Variants in CHM observed in about 807,000 individuals in gnomAD.
CHM encodes CHM Rab escort protein, also known as rab proteins geranylgeranyltransferase component A 1.
In CHM, 10 loss-of-function variants were observed where a neutral mutation model predicts 49.0. The observed-to-expected ratio is 0.20, with a 90% confidence interval of 0.13 to 0.35. The LOEUF is 0.35. Ranked by LOEUF, CHM falls within the 10% of genes least tolerant of loss-of-function variation. CHM has a pLI of 1.00. For synonymous variants in CHM, 184 were observed against 167.5 expected (o/e 1.10, Z -0.76); for missense variants, 455 against 478.4 (o/e 0.95, Z 0.46).
At chrX:85,915,635 G>T (rs1043463115) in intron 8 of CHM, among the ~76,000 whole-genome samples, 1 of 111,922 alleles carries the variant, frequency 8.9e-6, no homozygotes, top group African/African-American at 3.2e-5. Context: ...AAAATCACTA[G>T]CATTCCTATA....
intron 8 of CHM, among the ~76,000 whole-genome samples, chrX:85,934,279 CTTTTTTTTTT>C (rs769967072): frequency 1.4e-5 from 1 of 71,276 alleles, no homozygotes. Context: ...TGCGCTCAGC[CTTTTTTTTTT>C]TTTTTTTTTT....
At chrX:86,019,679 C>T (rs1369378327) in intron 2 of CHM, 1 of 111,957 alleles carries the variant, frequency 8.9e-6, no homozygotes, top group Non-Finnish European at 1.9e-5. Flanking sequence ...GTTCCTTCTC[C>T]TTTTCAACTC....
At chrX:85,926,732 T>C (rs1333889258) in intron 8 of CHM, among the ~76,000 whole-genome samples, 6 of 111,834 alleles carry the variant, frequency 5.4e-5, no homozygotes, top group East Asian at 2.8e-4. Flanking sequence ...AAGGATGAAA[T>C]TGAGGAGGAT....
At chrX:85,967,553 G>C (rs1247419524) in intron 4 of CHM, among the ~76,000 whole-genome samples, 1 of 111,356 alleles carries the variant, frequency 9.0e-6, no homozygotes, top group Non-Finnish European at 1.9e-5. Context: ...CCATTACAAA[G>C]TTGAAAAATC....
chrX:85,902,071 T>C (rs1926322735), intron 9 of CHM, among the ~76,000 whole-genome samples: 1 of 112,091 alleles, frequency 8.9e-6, no homozygotes, highest in African/African-American at 3.2e-5. Flanking sequence ...TCAGGAACTA[T>C]ATGCAAATGA....
At position 85,972,185 on chromosome X, in the gene CHM, C is replaced by T. The variant is rs190329678; in HGVS notation, c.314+6582G>A. On this transcript the variant is annotated intron_variant, in intron 4 of 14. Coordinates refer to ENST00000357749, the MANE Select transcript of CHM (RefSeq NM_000390.4). The stretch of plus-strand genomic sequence containing the variant: ...TAGATACAGAGTGTCGATTGGTGCA[C>T]TCACAAACCCTGAGCTAGACACAGG... 2.9e-3 allele frequency among the ~76,000 whole-genome samples: 322 copies of T among 110,698 alleles called. 3 individuals are homozygous for T. The highest frequency in any genetic ancestry group is 0.01 in the African/African-American group (316 of 30,386).
chrX:85,869,379 A>T lies in CHM; in HGVS notation c.1770+3673T>A, dbSNP rs1276849477. On this transcript the variant is annotated intron_variant, in intron 14 of 14. Coordinates refer to ENST00000357749, the MANE Select transcript of CHM (RefSeq NM_000390.4). ...TTCTATGCTAGTTCCTCTGTGTTTG[A>T]CACCTTGTCTCCCTTTTGCCTCCTC... 3.6e-5 allele frequency among the ~76,000 whole-genome samples: 4 copies of T among 110,977 alleles called. No individual in the cohort carries two copies. In the East Asian group the frequency reaches 1.1e-3, roughly 31 times the overall value.
chrX:85,928,572 T>C (rs1928233141), intron 8 of CHM, among the ~76,000 whole-genome samples: 2 of 112,255 alleles, frequency 1.8e-5, no homozygotes, highest in African/African-American at 6.5e-5. Flanking sequence ...TAAAAAATTA[T>C]AATAACTGAA....
chrX:86,016,123 C>G (rs1933289552), intron 2 of CHM, among the ~76,000 whole-genome samples: 1 of 110,271 alleles, frequency 9.1e-6, no homozygotes, highest in African/African-American at 3.3e-5. Context: ...ACACAGTGAG[C>G]CTTTGTCTCA....
intron 2 of CHM, among the ~76,000 whole-genome samples, chrX:86,007,587 G>T (rs1018423402): frequency 3.6e-5 from 4 of 112,213 alleles, no homozygotes; most frequent in Non-Finnish European, 7.5e-5. Context: ...CCATCAAAAA[G>T]TGGGCAAAGG....
intron 13 of CHM, among the ~76,000 whole-genome samples, chrX:85,873,703 G>C (rs887395079): frequency 9.0e-6 from 1 of 111,042 alleles, no homozygotes; most frequent in Non-Finnish European, 1.9e-5. Context: ...TTCTAAAACT[G>C]ATGGTGGTGA....
chrX:85,897,092 A>T (rs5968708), intron 11 of CHM, among the ~76,000 whole-genome samples: 3 of 81,386 alleles, frequency 3.7e-5, no homozygotes, highest in African/African-American at 1.6e-4. Flanking sequence ...CATAATATAT[A>T]ATATATATAA....
intron 8 of CHM, among the ~76,000 whole-genome samples, chrX:85,938,363 A>C (rs764900731): frequency 1.8e-5 from 2 of 111,989 alleles, no homozygotes; most frequent in African/African-American, 6.5e-5. Flanking sequence ...TTATTCTGAA[A>C]ATAAAGTATG....
intron 11 of CHM, 24 bp from the exon 12 acceptor site, chrX:85,894,308 A>T (rs1479848571): frequency 9.4e-7 from 1 of 1,060,447 alleles, no homozygotes; most frequent in East Asian, 3.0e-5. Context: ...ATAAAGTATC[A>T]GACACAGCTG....
rs1457054374 is a variant in CHM at position 85,871,321 on chromosome X, A to AC, written c.1770+1730_1770+1731insG. 4.9e-5 allele frequency among the ~76,000 whole-genome samples: 5 copies of AC among 101,752 alleles called. No homozygotes were observed. The East Asian group carries it at 1.5e-3, about 31-fold the overall frequency. 88.4% of individuals were successfully genotyped at this position (101,752 alleles called of 115,157 possible). A position where few individuals can be genotyped will look rare whatever the true frequency, so the allele number is the denominator to read the frequency against. ...GACTGTCTCAAAAAAAAAAAAAAAA[A>AC]AGAAGAAATCTGCATGGGCTTGTGT... On this transcript the variant is annotated intron_variant, in intron 14 of 14. Coordinates refer to ENST00000357749, the MANE Select transcript of CHM (RefSeq NM_000390.4).
chrX:86,021,126 G>GTATATATATATATA lies in CHM; in HGVS notation c.116+6351_116+6364dup, dbSNP rs3078128. Among the ~76,000 whole-genome samples, 101 of 55,928 alleles carry GTATATATATATATA rather than the reference G, an allele frequency of 1.8e-3. 1 individual carries two copies. The highest frequency in any genetic ancestry group is 3.1e-3 in the South Asian group (3 of 971). 48.6% of individuals were successfully genotyped at this position (55,928 alleles called of 115,157 possible). A position where few individuals can be genotyped will look rare whatever the true frequency, so the allele number is the denominator to read the frequency against. ...TATACGTATATATATGTGTATATAC[G>GTATATATATATATA]TATATATATATATATATATATATAT... On this transcript the variant is annotated intron_variant, in intron 2 of 14. Transcript: ENST00000357749.
chrX:86,027,977 G>A (rs1434653298), intron 1 of CHM, among the ~76,000 whole-genome samples: 2 of 111,803 alleles, frequency 1.8e-5, no homozygotes, highest in African/African-American at 6.5e-5. Context: ...TGGCCAGGAT[G>A]GTCTCAATGT....
chrX:86,011,848 AG>A (rs970041123), intron 2 of CHM, among the ~76,000 whole-genome samples: 3 of 111,367 alleles, frequency 2.7e-5, no homozygotes, highest in African/African-American at 6.5e-5. Context: ...AGTTGGAGGA[AG>A]GGCCATGAGC....
chrX:85,974,512 A>G (rs1931136807), intron 4 of CHM, among the ~76,000 whole-genome samples: 1 of 111,849 alleles, frequency 8.9e-6, no homozygotes, highest in African/African-American at 3.2e-5. Flanking sequence ...CTTCAGTAAT[A>G]AAGATAATGT....
Sources: gnomAD v4.1 joint callset for allele counts (sites outside exome capture counted in the v4.1 genomes callset) on GRCh38, gnomAD v4.1.1 for gene constraint, MANE v1.5 for transcripts, NCBI Gene and HGNC (gene_info 2026-07-23, HGNC 2026-07-21) for gene names.